Variants in PDGFC observed in about 807,000 individuals in gnomAD.
PDGFC encodes the protein platelet derived growth factor C.
In PDGFC, 12 loss-of-function variants were observed where a neutral mutation model predicts 35.5. The observed-to-expected ratio is 0.34, with a 90% confidence interval of 0.22 to 0.55. The LOEUF is 0.55. PDGFC is among the 20% of genes least tolerant of loss of function. The probability of loss-of-function intolerance (pLI) is 0.91; values close to 1 mark genes in which losing one functional copy is unlikely to be tolerated. For synonymous variants in PDGFC, 159 were observed against 148.8 expected, an observed-to-expected ratio of 1.07 and a Z score of -0.50; for missense variants, 322 against 412.4, an observed-to-expected ratio of 0.78 and a Z score of 1.90.
intron 1 of PDGFC, among the ~76,000 whole-genome samples, chr4:156,946,092 T>C (rs867397646): frequency 6.6e-6 from 1 of 152,214 alleles, no homozygotes; most frequent in African/African-American, 2.4e-5. Context: ...GTAGGTTATG[T>C]CCTGCCTATT....
intron 5 of PDGFC, 151 bp from the exon 6 acceptor site, chr4:156,763,357 T>G: frequency 7.9e-5 from 13 of 165,568 alleles, no homozygotes; most frequent in South Asian, 2.4e-4. Flanking sequence ...GAAAACACTC[T>G]CCCACCAAAA....
intron 2 of PDGFC, among the ~76,000 whole-genome samples, chr4:156,829,846 T>C (rs552039740): frequency 2.6e-4 from 39 of 152,256 alleles, no homozygotes; most frequent in Non-Finnish European, 1.3e-4. Flanking sequence ...TATCCCTCTC[T>C]GCAAACACCA....
At chr4:156,928,305 G>T (rs1418890534) in intron 1 of PDGFC, among the ~76,000 whole-genome samples, 2 of 152,000 alleles carry the variant, frequency 1.3e-5, no homozygotes, top group African/African-American at 4.8e-5. Flanking sequence ...TGCCCAGGAT[G>T]GTCTTGAACT....
intron 1 of PDGFC, among the ~76,000 whole-genome samples, chr4:156,917,071 C>A (rs1731170091): frequency 6.6e-6 from 1 of 152,062 alleles, no homozygotes; most frequent in African/African-American, 2.4e-5. Context: ...CAACAGATAG[C>A]CTCCCAAATT....
rs548331127 is a variant in PDGFC, at chr4:156,861,417, C to T, written c.119-11001G>A. 1.5e-5 allele frequency: 17 copies of T among 1,116,924 alleles called. No individual in the cohort carries two copies. In the East Asian group the frequency reaches 1.7e-4, roughly 11 times the overall value. 69.2% of individuals were successfully genotyped at this position (1,116,924 alleles called of 1,614,324 possible). A position where few individuals can be genotyped will look rare whatever the true frequency, so the allele number is the denominator to read the frequency against. On this transcript the variant is annotated intron_variant, in intron 1 of 5. Transcript: ENST00000502773. Reference sequence around the variant, plus strand: ...AAAACTCAGAGTAAATAAAAATATACGTTTTGCTTACCTTTTAAATGTTCT... The same window carrying T: ...AAAACTCAGAGTAAATAAAAATATATGTTTTGCTTACCTTTTAAATGTTCT...
At chr4:156,922,244 A>G (rs1035255257) in intron 1 of PDGFC, among the ~76,000 whole-genome samples, 1 of 151,712 alleles carries the variant, frequency 6.6e-6, no homozygotes, top group Admixed American at 6.6e-5. Flanking sequence ...TGCACAAAGT[A>G]TGCATTCAGC....
intron 2 of PDGFC, chr4:156,841,418 T>C (rs768794026): frequency 4.5e-5 from 7 of 156,152 alleles, no homozygotes; most frequent in Non-Finnish European, 9.8e-5. Flanking sequence ...TCCACCATGA[T>C]TGTAAGTTTC....
At chr4:156,826,603 T>C (rs28567953) in intron 2 of PDGFC, among the ~76,000 whole-genome samples, 9,051 of 152,268 alleles carry the variant, frequency 0.059, 889 homozygotes, top group African/African-American at 0.21. Context: ...AAGGATTTAC[T>C]ATAGGTTAGA....
At chr4:156,952,650 G>A (rs1732112122) in intron 1 of PDGFC, among the ~76,000 whole-genome samples, 1 of 151,830 alleles carries the variant, frequency 6.6e-6, no homozygotes, top group Non-Finnish European at 1.5e-5. Flanking sequence ...TGATAAATGA[G>A]ATTCCTAGCA....
intron 2 of PDGFC, among the ~76,000 whole-genome samples, chr4:156,839,736 G>T (rs556579977): frequency 1.3e-5 from 2 of 152,300 alleles, no homozygotes; most frequent in African/African-American, 4.8e-5. Context: ...GAAGATTTGG[G>T]AAAGTGTGGA....
At chr4:156,782,050 T>C (rs1730994281) in intron 3 of PDGFC, among the ~76,000 whole-genome samples, 1 of 152,124 alleles carries the variant, frequency 6.6e-6, no homozygotes, top group Non-Finnish European at 1.5e-5. Flanking sequence ...CCAACATTCT[T>C]TCTAGACTGA....
intron 1 of PDGFC, among the ~76,000 whole-genome samples, chr4:156,880,647 A>G (rs1730219697): frequency 6.6e-6 from 1 of 152,226 alleles, no homozygotes; most frequent in African/African-American, 2.4e-5. Flanking sequence ...ATAGCTGTCC[A>G]GAGATAGTGA....
chr4:156,761,658 AC>A lies in PDGFC; in HGVS notation c.*1431del, dbSNP rs1258064421. ...ACATTCTTTTATTTGATGATTCAAT[AC>A]ATTTTTGATTCAAATAGTCACCACA... On this transcript the variant is annotated 3_prime_UTR_variant, in exon 6 of 6. Transcript: ENST00000502773. 1 of 152,668 alleles carries A rather than the reference AC, an allele frequency of 6.6e-6. No homozygotes were observed. Among genetic ancestry groups the A allele is most frequent in the Non-Finnish European group, 1.5e-5 (1 of 68,046 alleles). The allele number at this position is 152,668 out of a possible 1,614,324, so 9.5% of individuals were successfully genotyped here. A position where few individuals can be genotyped will look rare whatever the true frequency, so the allele number is the denominator to read the frequency against.
intron 4 of PDGFC, among the ~76,000 whole-genome samples, chr4:156,771,053 G>C (rs1327111254): frequency 6.6e-6 from 1 of 152,102 alleles, no homozygotes; most frequent in East Asian, 1.9e-4. Context: ...AATGTACACT[G>C]CTTTTCTCAC....
intron 1 of PDGFC, among the ~76,000 whole-genome samples, chr4:156,910,930 A>G (rs1373908166): frequency 1.3e-5 from 2 of 152,168 alleles, no homozygotes; most frequent in Non-Finnish European, 2.9e-5. Flanking sequence ...TCCTTTATAT[A>G]TCATATACAC....
At chr4:156,871,944 A>G (rs1030475463) in intron 1 of PDGFC, among the ~76,000 whole-genome samples, 7 of 152,038 alleles carry the variant, frequency 4.6e-5, no homozygotes, top group African/African-American at 1.7e-4. Context: ...CTATTTCTCA[A>G]ATAGTTTTCC....
intron 3 of PDGFC, among the ~76,000 whole-genome samples, chr4:156,781,352 T>G (rs969424187): frequency 6.6e-6 from 1 of 152,194 alleles, no homozygotes; most frequent in African/African-American, 2.4e-5. Context: ...GCCTTTGCCA[T>G]TGTTGTCTGA....
chr4:156,855,023 AT>A (rs1219818660), intron 1 of PDGFC, among the ~76,000 whole-genome samples: 2 of 152,082 alleles, frequency 1.3e-5, no homozygotes, highest in African/African-American at 4.8e-5. Flanking sequence ...ACTAAAATGA[AT>A]AAAAAATTTA....
chr4:156,926,811 C>G (rs1195843752), intron 1 of PDGFC, among the ~76,000 whole-genome samples: 1 of 152,122 alleles, frequency 6.6e-6, no homozygotes, highest in Non-Finnish European at 1.5e-5. Context: ...ATCTAGCATT[C>G]CAGGGTCTGG....
Sources: allele counts gnomAD v4.1 joint callset (sites outside exome capture counted in the v4.1 genomes callset), GRCh38; gene constraint gnomAD v4.1.1; transcripts MANE v1.5; gene names NCBI Gene and HGNC (gene_info 2026-07-23, HGNC 2026-07-21).